BTN3A1: variants seen among roughly 807,000 people sequenced by gnomAD.
BTN3A1 encodes the protein dJ45P21.3 (butyrophilin, subfamily 3, member A1).
BTN3A1 carries 24 observed loss-of-function variants against 43.0 expected under a neutral mutation model. That is an observed-to-expected ratio of 0.56 (90% confidence interval 0.40 to 0.78). BTN3A1 has a LOEUF of 0.78. Among genes scored for constraint, BTN3A1 ranks in the 30% least tolerant of loss-of-function variants. The probability of loss-of-function intolerance (pLI) is 0.00; values close to 1 mark genes in which losing one functional copy is unlikely to be tolerated. For synonymous variants in BTN3A1, 181 were observed against 234.7 expected, an observed-to-expected ratio of 0.77 and a Z score of 2.09; for missense variants, 533 against 626.2, an observed-to-expected ratio of 0.85 and a Z score of 1.59.
At chr6:26,402,690 T>G (rs181465503) in intron 1 of BTN3A1, among the ~76,000 whole-genome samples, 120 of 152,346 alleles carry the variant, frequency 7.9e-4, no homozygotes, top group African/African-American at 2.7e-3. Flanking sequence ...ATCTTTAAAA[T>G]CTGTTCTGGA....
In BTN3A1 at chr6:26,407,734, G is replaced by A; in HGVS notation, c.497G>A (p.Cys166Tyr). 3 of 1,614,212 alleles carry A rather than the reference G, an allele frequency of 1.9e-6. No individual in the cohort carries two copies. In the Middle Eastern group the frequency reaches 4.9e-4, roughly 266 times the overall value. Residue 166 changes from cysteine to tyrosine, a missense_variant, in exon 4 of 10, where the codon TGC becomes TAC. Around this residue, in one of 4 missense-constraint regions of BTN3A1, gnomAD observed 415 missense variants for 427.0 expected, o/e 0.97. Coordinates refer to ENST00000289361, the MANE Select transcript of BTN3A1 (RefSeq NM_007048.6). ...AAGGATGGAGGGATCCATCTGGAGT[G>A]CAGGTCCACTGGCTGGTACCCCCAA... is the stretch of plus-strand genomic sequence containing the variant. The part of the protein sequence containing the change: ...GYKDGGIHLE[C>Y]RSTGWYPQPQ...
At chr6:26,409,493 G>C in intron 4 of BTN3A1, 40 bp from the exon 5 acceptor site, 1 of 1,599,358 alleles carries the variant, frequency 6.3e-7, no homozygotes, top group Non-Finnish European at 8.6e-7. Context: ...GGGAGGCTGA[G>C]TGCACCGGCC....
Position 26,409,908 on chromosome 6 carries a change from G to A in BTN3A1, c.931G>A (p.Glu311Lys). ...TTATTTTCCAGTGAAGCTCCTGGAG[G>A]AACTCAGTAAGTTCCCATTCCCCCA... ...EQSTRVKLLEELRWRSIQYAS... is the reference protein window; with the variant it reads ...EQSTRVKLLEKLRWRSIQYAS... The change falls in exon 6 of 10, where the codon GAA becomes AAA. Residue 311 changes from glutamate to lysine, a missense_variant. Physicochemically the swap from Glu to Lys is moderately conservative, Grantham distance 56. This residue lies in a region of BTN3A1 where 415 missense variants were observed against 427.0 expected (regional missense o/e 0.97). Transcript: ENST00000289361. The A allele has an allele frequency of 1.9e-6, 3 of 1,614,180 alleles. No homozygotes were observed. The highest frequency in any genetic ancestry group is 1.7e-5 in the Admixed American group (1 of 60,030).
chr6:26,405,368 A>G lies in BTN3A1; in HGVS notation c.-192-4A>G. 1.6e-6 allele frequency: 1 copy of G among 608,964 alleles called. No homozygotes were observed. Among genetic ancestry groups the G allele is most frequent in the South Asian group, 2.0e-5 (1 of 50,020 alleles). 37.7% of individuals were successfully genotyped at this position (608,964 alleles called of 1,614,324 possible). ...GTGCATTTCACATAGACATGTTTTTACAGGTGATTTTCAATGTTGGGACTC... is the reference window on the plus strand; with the variant it reads ...GTGCATTTCACATAGACATGTTTTTGCAGGTGATTTTCAATGTTGGGACTC... On this transcript the variant is annotated splice_polypyrimidine_tract_variant and splice_region_variant and intron_variant, in intron 1 of 9. Coordinates refer to ENST00000289361, the MANE Select transcript of BTN3A1 (RefSeq NM_007048.6).
rs376863801 is a variant in BTN3A1 at position 26,407,722 on chromosome 6, T to C, written c.485T>C (p.Ile162Thr). 2 of 1,614,206 alleles carry C rather than the reference T, an allele frequency of 1.2e-6. No individual in the cohort carries two copies. Among genetic ancestry groups the C allele is most frequent in the South Asian group, 2.2e-5 (2 of 91,080 alleles). ...GTGAAGGGTTACAAGGATGGAGGGA[T>C]CCATCTGGAGTGCAGGTCCACTGGC... ...VDVKGYKDGGIHLECRSTGWY... is the reference protein window; with the variant it reads ...VDVKGYKDGGTHLECRSTGWY... The change falls in exon 4 of 10, where the codon ATC becomes ACC. Residue 162 changes from isoleucine to threonine, a missense_variant. Physicochemically the swap from Ile to Thr is moderately conservative, Grantham distance 89. This residue lies in a region of BTN3A1 where 415 missense variants were observed against 427.0 expected (regional missense o/e 0.97). Coordinates refer to ENST00000289361, the MANE Select transcript of BTN3A1 (RefSeq NM_007048.6).
chr6:26,411,694 G>C, intron 9 of BTN3A1, 113 bp downstream of exon 9: 2 of 1,341,150 alleles, frequency 1.5e-6, no homozygotes, highest in Non-Finnish European at 2.1e-6. Flanking sequence ...CCATGACTAG[G>C]AGAATTTGGG....
chr6:26,413,740 C>T lies in BTN3A1; in HGVS notation c.*48C>T, dbSNP rs895048719. On this transcript the variant is annotated 3_prime_UTR_variant, in exon 10 of 10. Coordinates refer to ENST00000289361, the MANE Select transcript of BTN3A1 (RefSeq NM_007048.6). The stretch of plus-strand genomic sequence containing the variant: ...ATTCTGACCGAGTGCTGATCATTCC[C>T]TAGAGACACCAGTAACCCCGGGCTT... 16 of 1,607,502 alleles carry T rather than the reference C, an allele frequency of 1.0e-5. No individual in the cohort carries two copies. In the African/African-American group the frequency reaches 2.1e-4, roughly 21 times the overall value.
At chr6:26,409,967 T>C (rs764975841) in intron 6 of BTN3A1, 39 bp from the exon 7 acceptor site, 6 of 1,614,228 alleles carry the variant, frequency 3.7e-6, no homozygotes, top group East Asian at 2.2e-5. Context: ...CCCTGCTTTA[T>C]GCGCCTTGAT....
intron 1 of BTN3A1, among the ~76,000 whole-genome samples, chr6:26,405,170 G>A (rs1364566832): frequency 6.6e-6 from 1 of 152,148 alleles, no homozygotes; most frequent in African/African-American, 2.4e-5. Context: ...CCACAGTGTG[G>A]GACACCCACA....
At position 26,405,662 on chromosome 6, in the gene BTN3A1, C is replaced by G; in HGVS notation, c.85+14C>G. 1 of 1,613,618 alleles carries G rather than the reference C, an allele frequency of 6.2e-7. No individual in the cohort carries two copies. The highest frequency in any genetic ancestry group is 8.5e-7 in the Non-Finnish European group (1 of 1,179,544). On this transcript the variant is annotated intron_variant, in intron 2 of 9. Transcript: ENST00000289361. The stretch of plus-strand genomic sequence containing the variant: ...TGCCTCACTCAGGTAGGGAACAATT[C>G]CACGCTTGTTTCTGAAGCAGACAAT...
rs746012673 is a variant in BTN3A1, at chr6:26,405,629, G to C, written c.66G>C (p.Gln22His). The part of the protein sequence containing the change: ...LNFRVCLLLL[Q>H]LLMPHSAQFS... ...TTCGTGTCTGCCTCCTTTTGCTTCA[G>C]CTGCTCATGCCTCACTCAGGTAGGG... is the stretch of plus-strand genomic sequence containing the variant. The change falls in exon 2 of 10, where the codon CAG (glutamine) becomes CAC (histidine). Residue 22 changes from glutamine to histidine, a missense_variant. This residue lies in a region of BTN3A1 where 56 missense variants were observed against 67.1 expected (regional missense o/e 0.83). Coordinates refer to ENST00000289361, the MANE Select transcript of BTN3A1 (RefSeq NM_007048.6). The C allele has an allele frequency of 2.5e-6, 4 of 1,614,116 alleles. No individual in the cohort carries two copies. The South Asian group carries it at 3.3e-5, about 13-fold the overall frequency.
In BTN3A1 at chr6:26,413,604, T is replaced by G; in HGVS notation, c.1454T>G (p.Phe485Cys). The G allele has an allele frequency of 2.5e-6, 4 of 1,614,176 alleles. No homozygotes were observed. The highest frequency in any genetic ancestry group is 1.3e-5 in the African/African-American group (1 of 75,036). Reference sequence around the variant, plus strand: ...GTGGATGGATCGCATATTCATACTTTCCTGGACGTCTCCTTCTCTGAGGCT... The same window carrying G: ...GTGGATGGATCGCATATTCATACTTGCCTGGACGTCTCCTTCTCTGAGGCT... ...NAVDGSHIHT[F>C]LDVSFSEALY... Residue 485 changes from phenylalanine (F) to cysteine (C), a missense_variant, in exon 10 of 10, where the codon TTC (phenylalanine) becomes TGC (cysteine). By Grantham distance (205) the Phe-to-Cys change is radical. Transcript: ENST00000289361.
At position 26,405,470 on chromosome 6, in the gene BTN3A1, A is replaced by G. The variant is rs1262443273; in HGVS notation, c.-94A>G. On this transcript the variant is annotated 5_prime_UTR_variant, in exon 2 of 10. Coordinates refer to ENST00000289361, the MANE Select transcript of BTN3A1 (RefSeq NM_007048.6). ...CGGTCACCATACTTGAGTTAGCTCT[A>G]GGGAAGTGGAGGTTTCCATTTGGAA... 8 of 1,226,436 alleles carry G rather than the reference A, an allele frequency of 6.5e-6. No individual in the cohort carries two copies. The highest frequency in any genetic ancestry group is 9.6e-6 in the Non-Finnish European group (8 of 831,888). 76.0% of individuals were successfully genotyped at this position (1,226,436 alleles called of 1,614,324 possible). A position where few individuals can be genotyped will look rare whatever the true frequency, so the allele number is the denominator to read the frequency against.
chr6:26,403,879 T>A (rs370697094), intron 1 of BTN3A1, among the ~76,000 whole-genome samples: 9 of 151,936 alleles, frequency 5.9e-5, no homozygotes, highest in African/African-American at 2.2e-4. Flanking sequence ...GGAAAAAAAA[T>A]ATATCCTTTA....
intron 1 of BTN3A1, among the ~76,000 whole-genome samples, chr6:26,403,981 C>T (rs1231664592): frequency 6.6e-6 from 1 of 152,158 alleles, no homozygotes; most frequent in Non-Finnish European, 1.5e-5. Context: ...CCCTCTATAG[C>T]AACATAAAGA....
Position 26,405,955 on chromosome 6 carries a change from G to A in BTN3A1, c.132G>A (p.Val44=). ...CCTCTGGGCCCATCCTGGCCATGGT[G>A]GGTGAAGACGCTGATCTGCCCTGTC... The part of the protein sequence containing the change: ...LGPSGPILAM[V]GEDADLPCHL... The change falls in exon 3 of 10, where the codon GTG becomes GTA. Residue 44 remains valine, a synonymous_variant. Coordinates refer to ENST00000289361, the MANE Select transcript of BTN3A1 (RefSeq NM_007048.6). 1.2e-6 allele frequency: 2 copies of A among 1,610,998 alleles called. No homozygotes were observed. Among genetic ancestry groups the A allele is most frequent in the South Asian group, 2.2e-5 (2 of 90,614 alleles).
Position 26,414,148 on chromosome 6 carries a change from G to A in BTN3A1, c.*456G>A, listed in dbSNP as rs1356524010. 2 of 196,090 alleles carry A rather than the reference G, an allele frequency of 1.0e-5. No individual in the cohort carries two copies. The highest frequency in any genetic ancestry group is 2.6e-4 in the East Asian group (2 of 7,598). 12.1% of individuals were successfully genotyped at this position (196,090 alleles called of 1,614,324 possible). A position where few individuals can be genotyped will look rare whatever the true frequency, so the allele number is the denominator to read the frequency against. On this transcript the variant is annotated 3_prime_UTR_variant, in exon 10 of 10. Transcript: ENST00000289361. ...CCTTTAATCCTCGCAACACCCTGTCGGGTAGTCTCATTTAGCAAGTATGGA... is the reference window on the plus strand; with the variant it reads ...CCTTTAATCCTCGCAACACCCTGTCAGGTAGTCTCATTTAGCAAGTATGGA...
chr6:26,412,641 T>G (rs1762258360), intron 9 of BTN3A1: 1 of 1,550,314 alleles, frequency 6.5e-7, no homozygotes, highest in Non-Finnish European at 8.7e-7. Flanking sequence ...TGCTGTGGGC[T>G]GAGTAAATAA....
intron 3 of BTN3A1, among the ~76,000 whole-genome samples, chr6:26,407,219 C>A (rs1045588038): frequency 2.0e-5 from 3 of 152,122 alleles, no homozygotes; most frequent in African/African-American, 4.8e-5. Context: ...TTTCTTAGTG[C>A]AATGCTTTTC....
Sources: allele counts gnomAD v4.1 joint callset (sites outside exome capture counted in the v4.1 genomes callset), GRCh38; gene constraint gnomAD v4.1.1; regional missense constraint gnomAD v4.1.1; transcripts MANE v1.5; gene names NCBI Gene and HGNC (gene_info 2026-07-23, HGNC 2026-07-21).